Variants in TFCP2 observed in about 807,000 individuals in gnomAD.
TFCP2 encodes transcription factor CP2.
Under a neutral mutation model 73.4 loss-of-function variants are expected in TFCP2, and 33 were observed. That is an observed-to-expected ratio of 0.45 (90% CI 0.34 to 0.60). The LOEUF (loss-of-function observed/expected upper bound fraction) is 0.60. Among genes scored for constraint, TFCP2 ranks in the 20% least tolerant of loss-of-function variants. The pLI is 0.01. For missense variants in TFCP2, 352 were observed against 604.0 expected (o/e 0.58, Z 4.37); for synonymous variants, 193 against 211.6 (o/e 0.91, Z 0.76).
chr12:51,119,232 T>C (rs925300516), intron 1 of TFCP2, among the ~76,000 whole-genome samples: 5 of 152,162 alleles, frequency 3.3e-5, no homozygotes, highest in Non-Finnish European at 7.3e-5. Context: ...TATTTCAAGG[T>C]CATCTTACAT....
At position 51,159,744 on chromosome 12, in the gene TFCP2, T is replaced by G. The variant is rs1217618149; in HGVS notation, c.122+12557A>C. On this transcript the variant is annotated intron_variant, in intron 1 of 14. Transcript: ENST00000257915. ...CTCAAGCAATCCTCTCGCCTCAGCC[T>G]CCCAAAGTCCTGGGGACCAGCCACT... Among the ~76,000 whole-genome samples the G allele has an allele frequency of 2.0e-5, 3 of 152,062 alleles. No homozygotes were observed. In the East Asian group the frequency reaches 5.8e-4, roughly 29 times the overall value.
chr12:51,119,526 G>A (rs557642204), intron 1 of TFCP2, among the ~76,000 whole-genome samples: 37 of 152,190 alleles, frequency 2.4e-4, no homozygotes, highest in East Asian at 1.4e-3. Context: ...CGAGGTGGGC[G>A]GATCACCTGA....
At chr12:51,140,970 C>G (rs1267116338) in intron 1 of TFCP2, among the ~76,000 whole-genome samples, 1 of 151,912 alleles carries the variant, frequency 6.6e-6, no homozygotes, top group Non-Finnish European at 1.5e-5. Flanking sequence ...GCAGGTGAAT[C>G]GCTTGAACCG....
chr12:51,164,102 C>T (rs1941704032), intron 1 of TFCP2, among the ~76,000 whole-genome samples: 1 of 152,040 alleles, frequency 6.6e-6, no homozygotes, highest in African/African-American at 2.4e-5. Context: ...ACTCAGGAGG[C>T]TGAGGTAGGA....
chr12:51,132,887 G>A (rs1277745771), intron 1 of TFCP2, among the ~76,000 whole-genome samples: 1 of 152,094 alleles, frequency 6.6e-6, no homozygotes, highest in Non-Finnish European at 1.5e-5. Context: ...CATCTTGAAC[G>A]TCCCAGCCTA....
chr12:51,107,516 G>A (rs1372419998), intron 6 of TFCP2, among the ~76,000 whole-genome samples, 170 bp from the exon 7 acceptor site: 2 of 152,090 alleles, frequency 1.3e-5, no homozygotes, highest in African/African-American at 2.4e-5. Flanking sequence ...GTTTATATTC[G>A]ATGGAGTTGA....
chr12:51,116,473 C>A, intron 3 of TFCP2, 53 bp from the exon 4 acceptor site: 2 of 1,019,822 alleles, frequency 2.0e-6, no homozygotes, highest in South Asian at 1.8e-5. Context: ...AAAATCAGTG[C>A]TGACAAAGAA....
At chr12:51,105,996 G>A (rs1940227415) in intron 8 of TFCP2, among the ~76,000 whole-genome samples, 1 of 152,160 alleles carries the variant, frequency 6.6e-6, no homozygotes. Flanking sequence ...AATAAGGCAA[G>A]ATTAAATGTA....
intron 1 of TFCP2, among the ~76,000 whole-genome samples, chr12:51,161,419 G>A (rs1391386036): frequency 4.6e-5 from 7 of 151,608 alleles, no homozygotes; most frequent in East Asian, 1.9e-4. Context: ...AGTGGCTCAC[G>A]CCTGCAATCC....
chr12:51,099,038 A>T, intron 12 of TFCP2, 120 bp from the exon 13 acceptor site: 1 of 1,114,144 alleles, frequency 9.0e-7, no homozygotes. Context: ...CTAAGTTCAA[A>T]TCCTGGCTCA....
intron 1 of TFCP2, among the ~76,000 whole-genome samples, chr12:51,163,946 T>C (rs928307986): frequency 1.3e-5 from 2 of 152,064 alleles, no homozygotes; most frequent in African/African-American, 4.8e-5. Context: ...ACCTCACACC[T>C]GTAATCCCAG....
intron 1 of TFCP2, among the ~76,000 whole-genome samples, chr12:51,125,867 A>G (rs10876141): frequency 0.87 from 132,107 of 152,052 alleles, 58,656 homozygotes; most frequent in Non-Finnish European, 0.97. Context: ...GGAGGCTAAG[A>G]TGGGCGGATC....
chr12:51,130,265 A>C (rs1940910570), intron 1 of TFCP2, among the ~76,000 whole-genome samples: 1 of 152,172 alleles, frequency 6.6e-6, no homozygotes, highest in African/African-American at 2.4e-5. Context: ...TGAGGTCAGG[A>C]GTTCAAGTCC....
chr12:51,129,265 G>A (rs555044090), intron 1 of TFCP2, among the ~76,000 whole-genome samples: 2 of 152,258 alleles, frequency 1.3e-5, no homozygotes, highest in East Asian at 3.9e-4. Context: ...TGTAATCCCA[G>A]CACTTTGGGA....
At chr12:51,121,621 A>G (rs1234896733) in intron 1 of TFCP2, among the ~76,000 whole-genome samples, 1 of 151,322 alleles carries the variant, frequency 6.6e-6, no homozygotes, top group Non-Finnish European at 1.5e-5. Flanking sequence ...ACACGCCACC[A>G]CACCCGACTA....
At chr12:51,160,742 T>C (rs1007782256) in intron 1 of TFCP2, among the ~76,000 whole-genome samples, 1 of 152,182 alleles carries the variant, frequency 6.6e-6, no homozygotes, top group African/African-American at 2.4e-5. Flanking sequence ...AATGAAACAC[T>C]TGCAGTGTCC....
intron 7 of TFCP2, 165 bp from the exon 8 acceptor site, chr12:51,106,778 T>G: frequency 1.6e-6 from 1 of 613,390 alleles, no homozygotes; most frequent in East Asian, 3.2e-5. Context: ...TCTTGGAGCC[T>G]GTGGGGAGGC....
Position 51,159,734 on chromosome 12 carries a change from C to CAT in TFCP2, c.122+12566_122+12567insAT, listed in dbSNP as rs1246697070. 2.0e-5 allele frequency among the ~76,000 whole-genome samples: 3 copies of CAT among 152,020 alleles called. No homozygotes were observed. In the East Asian group the frequency reaches 5.8e-4, roughly 29 times the overall value. On this transcript the variant is annotated intron_variant, in intron 1 of 14. Coordinates refer to ENST00000257915, the MANE Select transcript of TFCP2 (RefSeq NM_005653.5). The stretch of plus-strand genomic sequence containing the variant: ...AACTCCCAGGCTCAAGCAATCCTCT[C>CAT]GCCTCAGCCTCCCAAAGTCCTGGGG...
At position 51,124,790 on chromosome 12, in the gene TFCP2, C is replaced by T. The variant is rs749784325; in HGVS notation, c.123-6018G>A. The T allele has an allele frequency of 1.2e-5, 10 of 852,252 alleles. 1 individual carries two copies. Among genetic ancestry groups the T allele is most frequent in the Non-Finnish European group, 2.0e-5 (10 of 500,358 alleles). The allele number at this position is 852,252 out of a possible 1,614,324, so 52.8% of individuals were successfully genotyped here. On this transcript the variant is annotated intron_variant, in intron 1 of 14. Transcript: ENST00000257915. ...GCTCAACCTTTTTCTGCTGCTCAGCCTTTTTCTGCTGCTCAGCCTTTTCCT... is the reference window on the plus strand; with the variant it reads ...GCTCAACCTTTTTCTGCTGCTCAGCTTTTTTCTGCTGCTCAGCCTTTTCCT...
Sources: gnomAD v4.1 joint callset for allele counts (sites outside exome capture counted in the v4.1 genomes callset) on GRCh38, gnomAD v4.1.1 for gene constraint, MANE v1.5 for transcripts, NCBI Gene and HGNC (gene_info 2026-07-23, HGNC 2026-07-21) for gene names.